Variants in ZNF521 observed in about 807,000 individuals in gnomAD.
ZNF521 encodes the protein zinc finger protein 521, also known as LYST-interacting protein 3.
In ZNF521, 14 loss-of-function variants were observed where a neutral mutation model predicts 105.5. The ratio of observed to expected loss-of-function variants is 0.13; its 90% CI spans 0.09 to 0.21. The LOEUF (loss-of-function observed/expected upper bound fraction) is 0.21. Ranked by LOEUF, ZNF521 falls within the 10% of genes least tolerant of loss-of-function variation. The pLI, the probability that ZNF521 is intolerant of heterozygous loss-of-function variation, is 1.00. For missense variants in ZNF521, 1,233 were observed against 1,629.7 expected, an observed-to-expected ratio of 0.76 and a Z score of 4.19; for synonymous variants, 635 against 606.0, an observed-to-expected ratio of 1.05 and a Z score of -0.70.
chr18:25,075,670 T>A (rs1007643241), intron 7 of ZNF521, among the ~76,000 whole-genome samples: 1 of 152,220 alleles, frequency 6.6e-6, no homozygotes, highest in Non-Finnish European at 1.5e-5. Context: ...TCACCTAAGT[T>A]GTTGAAAAAC....
chr18:25,242,107 C>T (rs1252321693), intron 3 of ZNF521, among the ~76,000 whole-genome samples: 1 of 152,172 alleles, frequency 6.6e-6, no homozygotes, highest in Non-Finnish European at 1.5e-5. Flanking sequence ...TAGTTGCAAC[C>T]TGTTATGTCC....
intron 5 of ZNF521, among the ~76,000 whole-genome samples, chr18:25,150,249 GA>G (rs1418034267): frequency 6.6e-6 from 1 of 152,168 alleles, no homozygotes; most frequent in African/African-American, 2.4e-5. Flanking sequence ...AAAGGCATAA[GA>G]ATGATACAAT....
intron 2 of ZNF521, 155 bp from the exon 3 acceptor site, chr18:25,322,342 G>A (rs1173312661): frequency 1.2e-6 from 1 of 803,408 alleles, no homozygotes; most frequent in Non-Finnish European, 2.2e-6. Flanking sequence ...AATCAAAAGT[G>A]AGCCTCTCCT....
intron 5 of ZNF521, among the ~76,000 whole-genome samples, chr18:25,117,090 C>CACACAA (rs56408075): frequency 5.6e-4 from 80 of 143,034 alleles, no homozygotes; most frequent in African/African-American, 1.7e-3. Context: ...CACATACACA[C>CACACAA]ATCCTTAATT....
chr18:25,274,178 G>T (rs928519862), intron 3 of ZNF521, among the ~76,000 whole-genome samples: 3 of 152,184 alleles, frequency 2.0e-5, no homozygotes, highest in Non-Finnish European at 4.4e-5. Context: ...ATCCTGGAAT[G>T]AGGAGATTCC....
chr18:25,089,171 A>G (rs1221723117), intron 7 of ZNF521, among the ~76,000 whole-genome samples: 1 of 152,176 alleles, frequency 6.6e-6, no homozygotes, highest in Non-Finnish European at 1.5e-5. Context: ...GAGTCATGAC[A>G]AGCAAGGTGA....
At chr18:25,338,559 T>C (rs937637271) in intron 2 of ZNF521, among the ~76,000 whole-genome samples, 8 of 152,014 alleles carry the variant, frequency 5.3e-5, no homozygotes, top group Admixed American at 5.2e-4. Flanking sequence ...GCCACAGGCA[T>C]GTGCCACCAC....
intron 3 of ZNF521, among the ~76,000 whole-genome samples, chr18:25,300,274 T>C (rs1396156715): frequency 6.6e-6 from 1 of 152,168 alleles, no homozygotes; most frequent in African/African-American, 2.4e-5. Context: ...GATCCACCAA[T>C]CAATCCAAAG....
At chr18:25,098,795 A>T (rs1175351942) in intron 5 of ZNF521, among the ~76,000 whole-genome samples, 1 of 152,168 alleles carries the variant, frequency 6.6e-6, no homozygotes, top group Non-Finnish European at 1.5e-5. Context: ...AATACAGGAG[A>T]GTACATTTTT....
rs1318698747 is a variant in ZNF521 at position 25,199,009 on chromosome 18, G to A, written c.3574-3765C>T. Among the ~76,000 whole-genome samples, 4 of 151,870 alleles carry A rather than the reference G, an allele frequency of 2.6e-5. No homozygotes were observed. In the East Asian group the frequency reaches 5.8e-4, roughly 22 times the overall value. On this transcript the variant is annotated intron_variant, in intron 4 of 7. Coordinates refer to ENST00000361524, the MANE Select transcript of ZNF521 (RefSeq NM_015461.3). ...CTAAGAATGGAAATGACGTGACATT[G>A]TGTACCTCTTAATGAGTTGCAATAT...
intron 7 of ZNF521, among the ~76,000 whole-genome samples, chr18:25,068,638 A>C (rs1410962154): frequency 6.6e-6 from 1 of 152,126 alleles, no homozygotes; most frequent in Non-Finnish European, 1.5e-5. Context: ...AAATGCCTGC[A>C]AGTCCTACAT....
rs183006059 is a variant in ZNF521 at position 25,096,854 on chromosome 18, G to A, written c.3659-4773C>T. Reference sequence around the variant, plus strand: ...CCTCCTGCTATATCACCATGTGGCCGGGGCCATACTTAAAAGCTCTGATCT... The same window carrying A: ...CCTCCTGCTATATCACCATGTGGCCAGGGCCATACTTAAAAGCTCTGATCT... On this transcript the variant is annotated intron_variant, in intron 5 of 7. Transcript: ENST00000361524. 1.2e-4 allele frequency among the ~76,000 whole-genome samples: 19 copies of A among 152,232 alleles called. 1 individual carries two copies. The East Asian group carries it at 2.9e-3, about 23-fold the overall frequency.
chr18:25,230,424 C>T (rs1600185556), intron 3 of ZNF521, among the ~76,000 whole-genome samples: 1 of 152,168 alleles, frequency 6.6e-6, no homozygotes, highest in Non-Finnish European at 1.5e-5. Context: ...TATCAGACTC[C>T]TCCAAGACTT....
At chr18:25,154,339 A>G (rs1224579958) in intron 5 of ZNF521, among the ~76,000 whole-genome samples, 1 of 152,210 alleles carries the variant, frequency 6.6e-6, no homozygotes, top group Non-Finnish European at 1.5e-5. Context: ...ACCAAGGTTT[A>G]TACAAGTTGG....
At chr18:25,118,688 C>A (rs2034375772) in intron 5 of ZNF521, among the ~76,000 whole-genome samples, 1 of 151,788 alleles carries the variant, frequency 6.6e-6, no homozygotes, top group South Asian at 2.1e-4. Context: ...ATTATAAAAA[C>A]GATTCAGAAA....
rs529915020 is a variant in ZNF521, at chr18:25,115,703, T to C, written c.3659-23622A>G. Among the ~76,000 whole-genome samples, 121 of 152,332 alleles carry C rather than the reference T, an allele frequency of 7.9e-4. 1 individual carries two copies. Among genetic ancestry groups the C allele is most frequent in the South Asian group, 5.6e-3 (27 of 4,828 alleles). On this transcript the variant is annotated intron_variant, in intron 5 of 7. Coordinates refer to ENST00000361524, the MANE Select transcript of ZNF521 (RefSeq NM_015461.3). ...GTGTATTACAGTCTCCATTACATAC[T>C]TAAGAAAACAGAGTTACTAAATTAC...
At chr18:25,299,604 C>T (rs1314892916) in intron 3 of ZNF521, among the ~76,000 whole-genome samples, 1 of 152,120 alleles carries the variant, frequency 6.6e-6, no homozygotes, top group Non-Finnish European at 1.5e-5. Context: ...CAATACTGGT[C>T]AGGGTGAGAA....
At chr18:25,089,694 T>C (rs935854732) in intron 6 of ZNF521, 114 bp from the exon 7 acceptor site, 3 of 788,554 alleles carry the variant, frequency 3.8e-6, no homozygotes, top group South Asian at 1.6e-5. Flanking sequence ...AGGTGTGACT[T>C]ACTGCCTGAG....
intron 3 of ZNF521, among the ~76,000 whole-genome samples, chr18:25,303,333 T>C (rs1040971464): frequency 4.6e-5 from 7 of 151,150 alleles, no homozygotes; most frequent in Non-Finnish European, 7.4e-5. Context: ...AGTCTCGCTC[T>C]GTCACCAAGG....
Sources: allele counts gnomAD v4.1 joint callset (sites outside exome capture counted in the v4.1 genomes callset), GRCh38; gene constraint gnomAD v4.1.1; transcripts MANE v1.5; gene names NCBI Gene and HGNC (gene_info 2026-07-23, HGNC 2026-07-21).